Variants in NEGR1 observed in about 807,000 individuals in gnomAD.
NEGR1 encodes the protein IgLON family member 4.
In NEGR1, 10 loss-of-function variants were observed where a neutral mutation model predicts 40.9. The ratio of observed to expected loss-of-function variants is 0.24; its 90% CI spans 0.15 to 0.42. The LOEUF is 0.42. Among genes scored for constraint, NEGR1 ranks in the 10% least tolerant of loss-of-function variants. NEGR1 has a pLI of 1.00. For missense variants in NEGR1, 352 were observed against 438.9 expected (o/e 0.80, Z 1.77); for synonymous variants, 185 against 166.8 (o/e 1.11, Z -0.84).
At chr1:71,993,881 C>A (rs942458737) in intron 1 of NEGR1, among the ~76,000 whole-genome samples, 2 of 152,088 alleles carry the variant, frequency 1.3e-5, no homozygotes, top group Admixed American at 6.6e-5. Context: ...CCTGGAGATA[C>A]TCTCCAAATT....
intron 1 of NEGR1, among the ~76,000 whole-genome samples, chr1:71,964,299 T>C (rs1646192809): frequency 6.6e-6 from 1 of 152,134 alleles, no homozygotes; most frequent in Non-Finnish European, 1.5e-5. Context: ...ACCATTAGAA[T>C]GTGGTTGAAA....
intron 1 of NEGR1, among the ~76,000 whole-genome samples, chr1:72,024,904 G>A (rs931912804): frequency 1.6e-4 from 25 of 152,248 alleles, no homozygotes; most frequent in African/African-American, 5.3e-4. Context: ...TACTAGAATG[G>A]TAAATTCAGA....
intron 1 of NEGR1, among the ~76,000 whole-genome samples, chr1:72,231,601 T>C (rs568182670): frequency 1.3e-5 from 2 of 152,306 alleles, no homozygotes; most frequent in South Asian, 4.2e-4. Context: ...TGACATGTGA[T>C]TAATTTATCA....
chr1:71,841,361 C>G (rs1203679757), intron 2 of NEGR1, among the ~76,000 whole-genome samples: 1 of 152,114 alleles, frequency 6.6e-6, no homozygotes, highest in Non-Finnish European at 1.5e-5. Context: ...CAATAAACAG[C>G]TTTTTAAAGT....
intron 2 of NEGR1, among the ~76,000 whole-genome samples, chr1:71,812,666 T>A (rs188385350): frequency 1.8e-4 from 28 of 152,180 alleles, no homozygotes; most frequent in Non-Finnish European, 3.5e-4. Flanking sequence ...GCACTTCTTT[T>A]CAATGTTTGT....
In NEGR1 at chr1:71,910,929, C is replaced by A. The variant is rs1039730328; in HGVS notation, c.409+24150G>T. 2.0e-5 allele frequency among the ~76,000 whole-genome samples: 3 copies of A among 152,212 alleles called. No individual in the cohort carries two copies. The East Asian group carries it at 5.8e-4, about 29-fold the overall frequency. On this transcript the variant is annotated intron_variant, in intron 2 of 6. Coordinates refer to ENST00000357731, the MANE Select transcript of NEGR1 (RefSeq NM_173808.3). ...CCCAGGCTGGTTTCAAACTCCTGAG[C>A]TCAAGTGATCCATCTACCGCAGCTT...
intron 3 of NEGR1, among the ~76,000 whole-genome samples, chr1:71,766,047 G>A (rs892765904): frequency 2.6e-5 from 4 of 152,082 alleles, no homozygotes; most frequent in East Asian, 1.9e-4. Context: ...GGTGGCATGC[G>A]CCTGTAATCC....
chr1:72,251,620 A>G (rs1655093977), intron 1 of NEGR1, among the ~76,000 whole-genome samples: 1 of 152,162 alleles, frequency 6.6e-6, no homozygotes, highest in Non-Finnish European at 1.5e-5. Flanking sequence ...TGTAAATGCT[A>G]TGTCAATCAT....
chr1:71,838,133 T>C (rs1274753238), intron 2 of NEGR1, among the ~76,000 whole-genome samples: 5 of 152,138 alleles, frequency 3.3e-5, no homozygotes, highest in African/African-American at 1.2e-4. Flanking sequence ...CATAATTAAA[T>C]AATGTATTTT....
intron 1 of NEGR1, among the ~76,000 whole-genome samples, chr1:72,110,220 A>AT (rs200898534): frequency 2.5e-5 from 3 of 118,606 alleles, no homozygotes; most frequent in African/African-American, 3.5e-5. Flanking sequence ...TTAGAGTATA[A>AT]TAAAAAAAAA....
chr1:72,135,391 A>G (rs1303240804), intron 1 of NEGR1, among the ~76,000 whole-genome samples: 1 of 128,614 alleles, frequency 7.8e-6, no homozygotes, highest in Admixed American at 8.6e-5. Flanking sequence ...AAAAAAAAAC[A>G]AAAAACAAAA....
At chr1:72,170,165 C>A (rs183876380) in intron 1 of NEGR1, among the ~76,000 whole-genome samples, 1 of 152,240 alleles carries the variant, frequency 6.6e-6, no homozygotes, top group East Asian at 1.9e-4. Flanking sequence ...GCGCTCAGGG[C>A]TCATACCTGC....
intron 1 of NEGR1, among the ~76,000 whole-genome samples, chr1:72,095,913 C>G (rs1648679258): frequency 6.6e-6 from 1 of 152,100 alleles, no homozygotes; most frequent in Non-Finnish European, 1.5e-5. Flanking sequence ...TTCCTTTCCA[C>G]TTTTAATCTC....
intron 1 of NEGR1, among the ~76,000 whole-genome samples, chr1:72,257,107 G>A (rs1419902943): frequency 6.6e-6 from 1 of 152,020 alleles, no homozygotes; most frequent in African/African-American, 2.4e-5. Flanking sequence ...CGGATCACGA[G>A]GTCAGGAGAT....
intron 6 of NEGR1, among the ~76,000 whole-genome samples, chr1:71,434,194 GA>G (rs1159553215): frequency 6.6e-6 from 1 of 151,942 alleles, no homozygotes; most frequent in Non-Finnish European, 1.5e-5. Context: ...AACAAATTAA[GA>G]AAAAATTATG....
Position 71,401,672 on chromosome 1 carries a change from A to G in NEGR1, c.*5774T>C, listed in dbSNP as rs978636883. 2.6e-5 allele frequency: 4 copies of G among 152,236 alleles called. No homozygotes were observed. Among genetic ancestry groups the G allele is most frequent in the Non-Finnish European group, 5.9e-5 (4 of 68,038 alleles). The allele number at this position is 152,236 out of a possible 1,614,324, so 9.4% of individuals were successfully genotyped here. A position where few individuals can be genotyped will look rare whatever the true frequency, so the allele number is the denominator to read the frequency against. Reference sequence around the variant, plus strand: ...AATCAGTATTGTGAATTTTTTTAAAAGTGTGTATGTATTCTGATCTCCATT... The same window carrying G: ...AATCAGTATTGTGAATTTTTTTAAAGGTGTGTATGTATTCTGATCTCCATT... On this transcript the variant is annotated 3_prime_UTR_variant, in exon 7 of 7. Transcript: ENST00000357731.
intron 1 of NEGR1, among the ~76,000 whole-genome samples, chr1:72,064,921 T>C (rs554882431): frequency 2.6e-5 from 4 of 152,222 alleles, no homozygotes; most frequent in African/African-American, 9.6e-5. Context: ...TGACATTTAG[T>C]TGCAGTGTCT....
At chr1:71,824,236 G>C (rs1035417079) in intron 2 of NEGR1, among the ~76,000 whole-genome samples, 1 of 151,834 alleles carries the variant, frequency 6.6e-6, no homozygotes, top group Non-Finnish European at 1.5e-5. Context: ...GCAAAACCTA[G>C]TTAATTTTGA....
chr1:71,440,469 T>A (rs1646539673), intron 6 of NEGR1, among the ~76,000 whole-genome samples: 1 of 152,264 alleles, frequency 6.6e-6, no homozygotes, highest in Non-Finnish European at 1.5e-5. Flanking sequence ...TGGCCTGTGA[T>A]ATATAAACAA....
Sources: allele counts gnomAD v4.1 joint callset (sites outside exome capture counted in the v4.1 genomes callset), GRCh38; gene constraint gnomAD v4.1.1; transcripts MANE v1.5; gene names NCBI Gene and HGNC (gene_info 2026-07-23, HGNC 2026-07-21).